EML5: variants seen among roughly 807,000 people sequenced by gnomAD.
The protein encoded by EML5 is EMAP like 5.
In EML5, 120 loss-of-function variants were observed where a neutral mutation model predicts 250.0. That is an observed-to-expected ratio of 0.48 (90% confidence interval 0.41 to 0.56). The LOEUF (loss-of-function observed/expected upper bound fraction) is 0.56. Among genes scored for constraint, EML5 ranks in the 20% least tolerant of loss-of-function variants. The pLI is 0.00. For synonymous variants in EML5, 771 were observed against 806.5 expected, an observed-to-expected ratio of 0.96 and a Z score of 0.75; for missense variants, 2,006 against 2,437.6, an observed-to-expected ratio of 0.82 and a Z score of 3.73.
At chr14:88,719,291 TG>T (rs2093552977) in intron 8 of EML5, among the ~76,000 whole-genome samples, 1 of 151,426 alleles carries the variant, frequency 6.6e-6, no homozygotes, top group South Asian at 2.1e-4. Flanking sequence ...AAGACTGAGA[TG>T]GGAGGATCGC....
chr14:88,702,278 T>C (rs1247587383), intron 14 of EML5, among the ~76,000 whole-genome samples, 168 bp downstream of exon 14: 3 of 152,218 alleles, frequency 2.0e-5, no homozygotes, highest in East Asian at 1.9e-4. Context: ...TCTAAAACTG[T>C]AGGAAAAAAG....
At position 88,694,421 on chromosome 14, in the gene EML5, C is replaced by G; in HGVS notation, c.2439-14G>C. 3 of 1,500,720 alleles carry G rather than the reference C, an allele frequency of 2.0e-6. No individual in the cohort carries two copies. The highest frequency in any genetic ancestry group is 2.7e-6 in the Non-Finnish European group (3 of 1,098,954). 93.0% of individuals were successfully genotyped at this position (1,500,720 alleles called of 1,614,324 possible). A position where few individuals can be genotyped will look rare whatever the true frequency, so the allele number is the denominator to read the frequency against. On this transcript the variant is annotated splice_polypyrimidine_tract_variant and intron_variant, in intron 16 of 43. Coordinates refer to ENST00000554922, the MANE Select transcript of EML5 (RefSeq NM_183387.3). Reference sequence around the variant, plus strand: ...TCTTTACTTCCTCTGAAATAAACATCGAAATGTTTTAGCTCTGAAGATTCA... The same window carrying G: ...TCTTTACTTCCTCTGAAATAAACATGGAAATGTTTTAGCTCTGAAGATTCA...
chr14:88,703,181 C>G (rs543006657), intron 13 of EML5, among the ~76,000 whole-genome samples: 17 of 151,930 alleles, frequency 1.1e-4, no homozygotes, highest in Non-Finnish European at 1.8e-4. Flanking sequence ...AGTATACTAC[C>G]ATTTACATAA....
chr14:88,775,552 G>C (rs2094439268), intron 1 of EML5, among the ~76,000 whole-genome samples: 1 of 152,196 alleles, frequency 6.6e-6, no homozygotes, highest in African/African-American at 2.4e-5. Context: ...AGAAGAGTGG[G>C]AAGGACTGCG....
At chr14:88,659,828 C>A (rs1432437760) in intron 25 of EML5, among the ~76,000 whole-genome samples, 1 of 152,140 alleles carries the variant, frequency 6.6e-6, no homozygotes, top group African/African-American at 2.4e-5. Flanking sequence ...CCTGTGTTTT[C>A]ATTTCAATGC....
At chr14:88,769,431 A>G (rs1257583071) in intron 1 of EML5, among the ~76,000 whole-genome samples, 2 of 152,216 alleles carry the variant, frequency 1.3e-5, no homozygotes, top group Non-Finnish European at 2.9e-5. Context: ...TACAACCTAC[A>G]GAACTGTGAG....
In EML5 at chr14:88,620,393, GT is replaced by G. The variant is rs2140299306; in HGVS notation, c.5375+360del. 1 of 173,764 alleles carries G rather than the reference GT, an allele frequency of 5.8e-6. No homozygotes were observed. Among genetic ancestry groups the G allele is most frequent in the South Asian group, 2.0e-4 (1 of 5,000 alleles). The allele number at this position is 173,764 out of a possible 1,614,324, so 10.8% of individuals were successfully genotyped here. A position where few individuals can be genotyped will look rare whatever the true frequency, so the allele number is the denominator to read the frequency against. ...AACTGAGGTTACTAAGAGAAGATAT[GT>G]TTGAAATCACAACTTTAGTTTTCCA... On this transcript the variant is annotated intron_variant, in intron 39 of 43. Coordinates refer to ENST00000554922, the MANE Select transcript of EML5 (RefSeq NM_183387.3). This position sits in a 1 kb window ranked among gnomAD's most constrained non-coding sequence, Gnocchi z 4.3.
At chr14:88,664,393 CT>C in intron 23 of EML5, 99 bp downstream of exon 23, 1 of 982,512 alleles carries the variant, frequency 1.0e-6, no homozygotes, top group Non-Finnish European at 1.4e-6. Context: ...TTTCCCAATT[CT>C]TTTTAACTCA....
intron 13 of EML5, among the ~76,000 whole-genome samples, chr14:88,703,103 G>A (rs554484453): frequency 5.3e-5 from 8 of 151,870 alleles, no homozygotes; most frequent in East Asian, 1.9e-4. Context: ...TGAACTGCTC[G>A]GACTGCAAAT....
At chr14:88,616,316 ATC>A in intron 42 of EML5, 74 bp from the exon 43 acceptor site, 6 of 1,393,272 alleles carry the variant, frequency 4.3e-6, no homozygotes, top group Admixed American at 3.4e-5. Context: ...AGGAACTATA[ATC>A]TCTATGACAA....
chr14:88,630,556 C>T (rs942430430), intron 33 of EML5, among the ~76,000 whole-genome samples: 2 of 152,072 alleles, frequency 1.3e-5, no homozygotes, highest in African/African-American at 4.8e-5. Flanking sequence ...AGTCTGAGCC[C>T]ACTGTGATAA....
intron 31 of EML5, 71 bp from the exon 32 acceptor site, chr14:88,638,978 C>G: frequency 1.8e-6 from 2 of 1,087,166 alleles, no homozygotes; most frequent in South Asian, 3.0e-5. Flanking sequence ...TTACCCAGAA[C>G]AATAAACTAC....
chr14:88,624,775 A>G, intron 36 of EML5, 195 bp downstream of exon 36: 1 of 626,764 alleles, frequency 1.6e-6, no homozygotes, highest in Non-Finnish European at 2.6e-6. Context: ...CCCAACATGA[A>G]AAAAATTGGA....
At chr14:88,755,796 C>T (rs1394731163) in intron 1 of EML5, among the ~76,000 whole-genome samples, 1 of 151,944 alleles carries the variant, frequency 6.6e-6, no homozygotes, top group Non-Finnish European at 1.5e-5. Flanking sequence ...AGTTCAAGAT[C>T]ACCCTGGGAA....
At chr14:88,618,028 A>AAAT in intron 41 of EML5, 200 bp downstream of exon 41, 1 of 379,980 alleles carries the variant, frequency 2.6e-6, no homozygotes, top group East Asian at 4.0e-5. Flanking sequence ...AAAACTTGAT[A>AAAT]AATCATGGAA....
intron 1 of EML5, among the ~76,000 whole-genome samples, chr14:88,775,113 C>T (rs2094434346): frequency 6.7e-6 from 1 of 150,294 alleles, no homozygotes; most frequent in South Asian, 2.1e-4. Context: ...AGTAGCAATA[C>T]CCGGGTACTA....
chr14:88,769,534 G>C (rs1198527286), intron 1 of EML5, among the ~76,000 whole-genome samples: 7 of 152,152 alleles, frequency 4.6e-5, no homozygotes, highest in Admixed American at 4.6e-4. Context: ...TTAGAGAAAA[G>C]ACAATATCTA....
At chr14:88,687,813 C>T (rs934856039) in intron 18 of EML5, among the ~76,000 whole-genome samples, 2 of 151,924 alleles carry the variant, frequency 1.3e-5, no homozygotes, top group Non-Finnish European at 2.9e-5. Flanking sequence ...CACCATGGCT[C>T]ATGCCTGTAA....
chr14:88,701,720 C>A (rs1057050455), intron 14 of EML5, among the ~76,000 whole-genome samples: 26 of 152,252 alleles, frequency 1.7e-4, no homozygotes, highest in Non-Finnish European at 3.1e-4. Flanking sequence ...GTGTTTAAAG[C>A]CAGACAGACT....
Sources: gnomAD v4.1 joint callset for allele counts (sites outside exome capture counted in the v4.1 genomes callset) on GRCh38, gnomAD v4.1.1 for gene constraint, Gnocchi (gnomAD v3.1) non-coding constraint, MANE v1.5 for transcripts, NCBI Gene and HGNC (gene_info 2026-07-23, HGNC 2026-07-21) for gene names.